Variants in PRDM16 observed in about 807,000 individuals in gnomAD.
PRDM16 encodes the protein PR/SET domain 16.
A neutral mutation model predicts 110.6 loss-of-function variants in PRDM16; 23 were observed. The observed-to-expected ratio is 0.21, with a 90% CI of 0.15 to 0.29. The LOEUF is 0.29. Among genes scored for constraint, PRDM16 ranks in the 10% least tolerant of loss-of-function variants. PRDM16 has a pLI of 1.00. For missense variants in PRDM16, 1,615 were observed against 1,794.3 expected (o/e 0.90, Z 1.81); for synonymous variants, 799 against 781.8 (o/e 1.02, Z -0.37).
intron 2 of PRDM16, among the ~76,000 whole-genome samples, chr1:3,240,503 G>A (rs1639644912): frequency 6.6e-6 from 1 of 152,174 alleles, no homozygotes; most frequent in African/African-American, 2.4e-5. Flanking sequence ...GCAAGGGGTG[G>A]GTAAAGCGGA....
At chr1:3,120,760 C>T (rs1643076648) in intron 1 of PRDM16, among the ~76,000 whole-genome samples, 1 of 152,172 alleles carries the variant, frequency 6.6e-6, no homozygotes, top group African/African-American at 2.4e-5. Context: ...GTGACCCCAG[C>T]CAGGCAGAGT....
chr1:3,277,468 G>T (rs555090987), intron 3 of PRDM16, among the ~76,000 whole-genome samples: 1 of 152,354 alleles, frequency 6.6e-6, no homozygotes, highest in South Asian at 2.1e-4. Context: ...CCTCACCACA[G>T]GGTCTCTGGG....
chr1:3,415,648 C>A (rs111652194), intron 10 of PRDM16, among the ~76,000 whole-genome samples: 1 of 152,226 alleles, frequency 6.6e-6, no homozygotes, highest in East Asian at 1.9e-4. Context: ...TCTGATCGGG[C>A]GGAGCAAGCC....
chr1:3,264,128 C>T (rs1055960850), intron 3 of PRDM16, among the ~76,000 whole-genome samples: 6 of 152,144 alleles, frequency 3.9e-5, no homozygotes, highest in Non-Finnish European at 5.9e-5. Flanking sequence ...CTGGAAGAAG[C>T]GAATAAAAAG....
chr1:3,325,943 T>G (rs1641884178), intron 3 of PRDM16, among the ~76,000 whole-genome samples: 1 of 140,518 alleles, frequency 7.1e-6, no homozygotes, highest in South Asian at 2.3e-4. Flanking sequence ...TTGGCCCTCC[T>G]TGGCCATCCT....
intron 3 of PRDM16, among the ~76,000 whole-genome samples, chr1:3,327,112 G>A (rs1641930352): frequency 6.6e-6 from 1 of 152,242 alleles, no homozygotes; most frequent in Admixed American, 6.5e-5. Flanking sequence ...ACTAACATTG[G>A]GAAGTGGAAA....
intron 3 of PRDM16, among the ~76,000 whole-genome samples, chr1:3,320,218 GAA>G (rs1021391145): frequency 2.6e-5 from 4 of 152,220 alleles, no homozygotes; most frequent in Non-Finnish European, 5.9e-5. Context: ...GCTGTGACAG[GAA>G]AAGAGACTGA....
At chr1:3,413,646 G>A (rs891901563) in intron 9 of PRDM16, among the ~76,000 whole-genome samples, 2 of 152,212 alleles carry the variant, frequency 1.3e-5, no homozygotes, top group African/African-American at 4.8e-5. Flanking sequence ...GCCAGTCATA[G>A]ACATGCTGGG....
intron 3 of PRDM16, among the ~76,000 whole-genome samples, chr1:3,288,005 CAG>C (rs747884058): frequency 1.3e-5 from 2 of 152,250 alleles, no homozygotes; most frequent in South Asian, 4.1e-4. Flanking sequence ...GCCCTGGGCT[CAG>C]GGGTGGGCGG....
chr1:3,105,776 G>A (rs966514687), intron 1 of PRDM16, among the ~76,000 whole-genome samples: 7 of 152,244 alleles, frequency 4.6e-5, no homozygotes, highest in African/African-American at 1.2e-4. Flanking sequence ...CCCTGAGAAC[G>A]GGGCTAGCAG....
intron 1 of PRDM16, among the ~76,000 whole-genome samples, chr1:3,093,550 C>T (rs1293351726): frequency 6.6e-6 from 1 of 151,982 alleles, no homozygotes; most frequent in African/African-American, 2.4e-5. Flanking sequence ...CCCTGGGACC[C>T]CCGGCATCTC....
At position 3,265,403 on chromosome 1, in the gene PRDM16, T is replaced by A. The variant is rs1640263482; in HGVS notation, c.438+21266T>A. ...CCTGACGGGCCTGAGACTGATGATG[T>A]GAAGGGCCTAGTAGGGGCTGAGGTC... On this transcript the variant is annotated intron_variant, in intron 3 of 16. Transcript: ENST00000270722. This position sits in a 1 kb window ranked among gnomAD's most constrained non-coding sequence, Gnocchi z 4.5. Among the ~76,000 whole-genome samples the A allele has an allele frequency of 6.6e-6, 1 of 151,498 alleles. No homozygotes were observed. The highest frequency in any genetic ancestry group is 2.4e-5 in the African/African-American group (1 of 41,186).
intron 1 of PRDM16, among the ~76,000 whole-genome samples, chr1:3,077,248 A>G (rs957867326): frequency 2.0e-5 from 3 of 152,020 alleles, no homozygotes; most frequent in Admixed American, 6.5e-5. Context: ...GCCCCCTGAC[A>G]CAAGCTCAGG....
chr1:3,354,288 C>T (rs532027902), intron 3 of PRDM16, among the ~76,000 whole-genome samples: 3 of 152,070 alleles, frequency 2.0e-5, no homozygotes, highest in South Asian at 4.2e-4. Flanking sequence ...AGGGAAACCC[C>T]GTCTCTACTA....
At chr1:3,135,364 C>T (rs543705883) in intron 1 of PRDM16, among the ~76,000 whole-genome samples, 5 of 152,328 alleles carry the variant, frequency 3.3e-5, no homozygotes, top group Admixed American at 6.5e-5. Context: ...CAGACACCGA[C>T]CACGGGCCCG....
chr1:3,373,456 C>G (rs897878465), intron 3 of PRDM16, among the ~76,000 whole-genome samples: 2 of 152,200 alleles, frequency 1.3e-5, no homozygotes, highest in South Asian at 4.1e-4. Context: ...GCCGTCGTTG[C>G]AGACGTTTCT....
intron 3 of PRDM16, among the ~76,000 whole-genome samples, chr1:3,299,004 A>G (rs917039676): frequency 4.6e-5 from 7 of 152,108 alleles, no homozygotes; most frequent in Admixed American, 4.6e-4. Context: ...CCGTAAATGG[A>G]CTTCCTGGAA....
chr1:3,141,914 G>A (rs888727047), intron 1 of PRDM16, among the ~76,000 whole-genome samples: 5 of 152,250 alleles, frequency 3.3e-5, no homozygotes, highest in Non-Finnish European at 7.3e-5. Flanking sequence ...GCTGCCCACG[G>A]TAGGGGATTT....
intron 1 of PRDM16, among the ~76,000 whole-genome samples, chr1:3,137,165 G>T (rs1438138836): frequency 6.6e-6 from 1 of 152,228 alleles, no homozygotes; most frequent in Admixed American, 6.5e-5. Flanking sequence ...GACCCTGGCT[G>T]CCTCCGGCAT....
Sources: gnomAD v4.1 joint callset for allele counts (sites outside exome capture counted in the v4.1 genomes callset) on GRCh38, gnomAD v4.1.1 for gene constraint, Gnocchi (gnomAD v3.1) non-coding constraint, MANE v1.5 for transcripts, NCBI Gene and HGNC (gene_info 2026-07-23, HGNC 2026-07-21) for gene names.